The following BMERB1 variants were observed in gnomAD, a reference collection of about 807,000 sequenced individuals.
The protein encoded by BMERB1 is bMERB domain-containing protein 1.
A neutral mutation model predicts 23.6 loss-of-function variants in BMERB1; 12 were observed. The ratio of observed to expected loss-of-function variants is 0.51; its 90% CI spans 0.33 to 0.82. BMERB1 has a LOEUF of 0.82. Among genes scored for constraint, BMERB1 ranks in the 40% least tolerant of loss-of-function variants. The pLI is 0.03. For synonymous variants in BMERB1, 122 were observed against 96.6 expected (o/e 1.26, Z -1.54); for missense variants, 247 against 255.4 (o/e 0.97, Z 0.22).
At chr16:15,568,666 A>G (rs1050852369) in intron 3 of BMERB1, among the ~76,000 whole-genome samples, 4 of 152,146 alleles carry the variant, frequency 2.6e-5, no homozygotes, top group Non-Finnish European at 4.4e-5. Flanking sequence ...ATTAAATTAA[A>G]TATCATAAAA....
chr16:15,576,241 G>T (rs890637805), intron 3 of BMERB1, among the ~76,000 whole-genome samples: 2 of 151,974 alleles, frequency 1.3e-5, no homozygotes, highest in Non-Finnish European at 2.9e-5. Context: ...TAGAGACTGG[G>T]TTTCACTGTG....
intron 2 of BMERB1, among the ~76,000 whole-genome samples, chr16:15,557,164 C>T (rs780515706): frequency 7.9e-5 from 12 of 152,252 alleles, no homozygotes; most frequent in South Asian, 2.1e-4. Context: ...AAAAATGACC[C>T]GCTTTCCCCT....
chr16:15,500,747 G>A (rs1256397587), intron 1 of BMERB1, among the ~76,000 whole-genome samples: 3 of 152,162 alleles, frequency 2.0e-5, no homozygotes, highest in Non-Finnish European at 4.4e-5. Context: ...CATCCCCCAG[G>A]TTCACGTGAT....
At chr16:15,513,130 A>G (rs1125972) in intron 1 of BMERB1, among the ~76,000 whole-genome samples, 10,568 of 152,134 alleles carry the variant, frequency 0.069, 540 homozygotes, top group Admixed American at 0.15. Context: ...AAAGGCCTTG[A>G]ATAGCACATC....
At chr16:15,483,970 A>T (rs1180663720) in intron 1 of BMERB1, among the ~76,000 whole-genome samples, 1 of 152,216 alleles carries the variant, frequency 6.6e-6, no homozygotes, top group Non-Finnish European at 1.5e-5. Flanking sequence ...TGGTGCCAGC[A>T]TCTGATTCTG....
At chr16:15,496,305 C>T (rs890439570) in intron 1 of BMERB1, among the ~76,000 whole-genome samples, 1 of 152,056 alleles carries the variant, frequency 6.6e-6, no homozygotes, top group African/African-American at 2.4e-5. Context: ...AACTGACATT[C>T]ACCAAGTCCT....
intron 3 of BMERB1, among the ~76,000 whole-genome samples, chr16:15,569,802 G>A (rs1428364909): frequency 6.6e-6 from 1 of 152,120 alleles, no homozygotes; most frequent in Non-Finnish European, 1.5e-5. Context: ...AGTAATTGGG[G>A]AAGTTGCAAA....
chr16:15,468,149 T>C lies in BMERB1; in HGVS notation c.106+33390T>C, dbSNP rs1159108827. Among the ~76,000 whole-genome samples the C allele has an allele frequency of 3.5e-5, 3 of 85,596 alleles. 1 individual carries two copies. Among genetic ancestry groups the C allele is most frequent in the Non-Finnish European group, 7.7e-5 (3 of 38,804 alleles). 56.2% of individuals were successfully genotyped at this position (85,596 alleles called of 152,430 possible). A position where few individuals can be genotyped will look rare whatever the true frequency, so the allele number is the denominator to read the frequency against. On this transcript the variant is annotated intron_variant, in intron 1 of 5. Coordinates refer to ENST00000300006, the MANE Select transcript of BMERB1 (RefSeq NM_033201.3). ...TCTTTCTTCTTCTTTTTTTTTTTTT[T>C]TTTTTTTTTTTTTTGAGGCAGGGTC...
intron 2 of BMERB1, among the ~76,000 whole-genome samples, chr16:15,535,693 A>G (rs2150961075): frequency 6.6e-6 from 1 of 152,020 alleles, no homozygotes; most frequent in Middle Eastern, 3.4e-3. Context: ...AAGCTTAGCT[A>G]TACCGAGAAC....
intron 2 of BMERB1, among the ~76,000 whole-genome samples, chr16:15,518,130 T>C (rs528607768): frequency 1.3e-5 from 2 of 152,204 alleles, no homozygotes; most frequent in Non-Finnish European, 2.9e-5. Flanking sequence ...TAGCATTTCT[T>C]AAGAGGCAGC....
At chr16:15,477,511 G>A (rs1371190238) in intron 1 of BMERB1, among the ~76,000 whole-genome samples, 3 of 152,170 alleles carry the variant, frequency 2.0e-5, no homozygotes, top group Non-Finnish European at 4.4e-5. Flanking sequence ...CACACCTGTA[G>A]TCCCAGCTGC....
rs1334638501 is a variant in BMERB1, at chr16:15,468,125, CT to C, written c.106+33369del. On this transcript the variant is annotated intron_variant, in intron 1 of 5. Coordinates refer to ENST00000300006, the MANE Select transcript of BMERB1 (RefSeq NM_033201.3). ...ACTTTTTCTTTTCTTTTCTTTCTTTCTTTCTTCTTCTTTTTTTTTTTTTTTT... is the reference window on the plus strand; with the variant it reads ...ACTTTTTCTTTTCTTTTCTTTCTTTCTTCTTCTTCTTTTTTTTTTTTTTTT... 1.8e-4 allele frequency among the ~76,000 whole-genome samples: 13 copies of C among 71,654 alleles called. No individual in the cohort carries two copies. The East Asian group carries it at 2.5e-3, about 14-fold the overall frequency. The allele number at this position is 71,654 out of a possible 152,430, so 47.0% of individuals were successfully genotyped here.
chr16:15,581,496 T>G, intron 4 of BMERB1, 165 bp downstream of exon 4: 1 of 546,380 alleles, frequency 1.8e-6, no homozygotes, highest in Non-Finnish European at 3.3e-6. Context: ...GCCTTCTGGC[T>G]TGAGAATTCA....
At chr16:15,525,515 G>A (rs1057357694) in intron 2 of BMERB1, among the ~76,000 whole-genome samples, 6 of 152,046 alleles carry the variant, frequency 3.9e-5, no homozygotes, top group Admixed American at 1.3e-4. Flanking sequence ...GACCAGCCTG[G>A]CCAATGTGGT....
chr16:15,562,730 C>T (rs1005379112), intron 2 of BMERB1, among the ~76,000 whole-genome samples: 1 of 152,202 alleles, frequency 6.6e-6, no homozygotes, highest in African/African-American at 2.4e-5. Context: ...CAAGATTGCC[C>T]TGATGTAGCC....
chr16:15,484,362 ATC>A (rs1321630878), intron 1 of BMERB1, among the ~76,000 whole-genome samples: 1 of 151,498 alleles, frequency 6.6e-6, no homozygotes, highest in Non-Finnish European at 1.5e-5. Context: ...CTTTTGTGAA[ATC>A]TCTGATATCT....
intron 2 of BMERB1, among the ~76,000 whole-genome samples, chr16:15,520,828 G>A (rs549297181): frequency 4.0e-4 from 61 of 152,220 alleles, no homozygotes; most frequent in African/African-American, 1.4e-3. Flanking sequence ...TGACCTTTCT[G>A]ATCTTAAAGC....
chr16:15,502,242 T>C (rs1285263624), intron 1 of BMERB1: 2 of 1,517,990 alleles, frequency 1.3e-6, no homozygotes, highest in Non-Finnish European at 1.8e-6. Context: ...GTTAAAAAAA[T>C]GTGCTTGAGG....
intron 1 of BMERB1, among the ~76,000 whole-genome samples, chr16:15,466,828 C>T (rs2051184707): frequency 1.3e-5 from 2 of 152,106 alleles, no homozygotes; most frequent in Admixed American, 6.5e-5. Flanking sequence ...ACAAAGGTTC[C>T]TCCTGCTACT....
Sources: gnomAD v4.1 joint callset for allele counts (sites outside exome capture counted in the v4.1 genomes callset) on GRCh38, gnomAD v4.1.1 for gene constraint, MANE v1.5 for transcripts, NCBI Gene and HGNC (gene_info 2026-07-23, HGNC 2026-07-21) for gene names.